The following PLXNA4 variants were observed in gnomAD, a reference collection of about 807,000 sequenced individuals.
PLXNA4 encodes plexin A4.
A neutral mutation model predicts 191.8 loss-of-function variants in PLXNA4; 44 were observed. That is an observed-to-expected ratio of 0.23 (90% CI 0.18 to 0.29). The LOEUF is 0.29. Ranked by LOEUF, PLXNA4 falls within the 10% of genes least tolerant of loss-of-function variation. The pLI is 1.00. For synonymous variants in PLXNA4, 1,082 were observed against 1,009.5 expected (o/e 1.07, Z -1.36); for missense variants, 1,800 against 2,488.8 (o/e 0.72, Z 5.89).
At chr7:132,575,675 G>A (rs1802192161) in intron 1 of PLXNA4, among the ~76,000 whole-genome samples, 1 of 152,224 alleles carries the variant, frequency 6.6e-6, no homozygotes, top group South Asian at 2.1e-4. Context: ...TACCTTTTAA[G>A]GAGGATCTGA....
intron 3 of PLXNA4, among the ~76,000 whole-genome samples, chr7:132,400,614 A>G (rs73158821): frequency 0.037 from 5,707 of 152,220 alleles, 195 homozygotes; most frequent in Non-Finnish European, 0.052. Flanking sequence ...TTCAGGCAAA[A>G]CACATGAGAA....
At chr7:132,613,443 T>C (rs1271545818) in intron 2 of PLXNA4, among the ~76,000 whole-genome samples, 2 of 152,200 alleles carry the variant, frequency 1.3e-5, no homozygotes, top group Non-Finnish European at 2.9e-5. Flanking sequence ...CTGTCCCCAT[T>C]AGATTTTGGC....
chr7:132,636,550 G>A (rs1803612298), intron 2 of PLXNA4, among the ~76,000 whole-genome samples: 1 of 152,170 alleles, frequency 6.6e-6, no homozygotes, highest in Non-Finnish European at 1.5e-5. Context: ...ATGCCCAAAT[G>A]CCCTGAGGCA....
At chr7:132,260,319 T>G (rs1482317639) in intron 4 of PLXNA4, among the ~76,000 whole-genome samples, 3 of 152,240 alleles carry the variant, frequency 2.0e-5, no homozygotes, top group African/African-American at 7.2e-5. Flanking sequence ...TGGAGTACTA[T>G]GTACTCATAA....
At chr7:132,423,297 CTT>C (rs1408673875) in intron 3 of PLXNA4, among the ~76,000 whole-genome samples, 1 of 152,204 alleles carries the variant, frequency 6.6e-6, no homozygotes, top group Admixed American at 6.5e-5. Context: ...TTTCATTTAA[CTT>C]TTCCCAACCT....
At chr7:132,594,998 TAGATAGATAGATAGATAGATAGACAGAC>T (rs1316895417) in intron 2 of PLXNA4, among the ~76,000 whole-genome samples, 3,215 of 55,006 alleles carry the variant, frequency 0.058, 115 homozygotes, top group African/African-American at 0.13. Flanking sequence ...GATAGATAGA[TAGATAGATAGATAGATAGATAGACAGAC>T]AGACAGACAG....
chr7:132,222,348 T>C (rs1215793783), intron 9 of PLXNA4, among the ~76,000 whole-genome samples: 1 of 152,198 alleles, frequency 6.6e-6, no homozygotes, highest in African/African-American at 2.4e-5. Context: ...TTCAGCCTCA[T>C]ATAATAAACA....
intron 1 of PLXNA4, among the ~76,000 whole-genome samples, chr7:132,569,812 C>A (rs1348526938): frequency 6.6e-6 from 1 of 152,162 alleles, no homozygotes; most frequent in Non-Finnish European, 1.5e-5. Flanking sequence ...GAAGGCTGAG[C>A]AAATGCTGAG....
intron 1 of PLXNA4, among the ~76,000 whole-genome samples, chr7:132,541,611 A>G (rs1336757813): frequency 2.0e-5 from 3 of 152,230 alleles, no homozygotes; most frequent in Admixed American, 6.5e-5. Flanking sequence ...TTCTGGTTAT[A>G]AAGCCCCCTA....
chr7:132,411,743 C>T (rs921032931), intron 3 of PLXNA4, among the ~76,000 whole-genome samples: 4 of 152,134 alleles, frequency 2.6e-5, no homozygotes, highest in Admixed American at 6.5e-5. Context: ...TTCTGGCATC[C>T]CCAGTTCAAA....
At chr7:132,444,475 G>A (rs911726543) in intron 3 of PLXNA4, among the ~76,000 whole-genome samples, 9 of 152,112 alleles carry the variant, frequency 5.9e-5, no homozygotes, top group Admixed American at 1.3e-4. Context: ...GGCTGATCTC[G>A]AACTCTTGAC....
At chr7:132,628,711 G>T (rs1171429059) in intron 2 of PLXNA4, among the ~76,000 whole-genome samples, 2 of 151,800 alleles carry the variant, frequency 1.3e-5, no homozygotes, top group Non-Finnish European at 2.9e-5. Context: ...GTAACTTTCT[G>T]GTTAAGAGTT....
At chr7:132,598,011 C>A (rs768990881) in intron 2 of PLXNA4, among the ~76,000 whole-genome samples, 47 of 152,298 alleles carry the variant, frequency 3.1e-4, no homozygotes, top group South Asian at 6.2e-4. Context: ...GGAATATATA[C>A]TCAGGAGTGG....
At chr7:132,247,532 G>A (rs959047990) in intron 4 of PLXNA4, among the ~76,000 whole-genome samples, 4 of 152,144 alleles carry the variant, frequency 2.6e-5, no homozygotes, top group South Asian at 2.1e-4. Context: ...CACTGTCCCC[G>A]AGCAGAGGAA....
intron 3 of PLXNA4, among the ~76,000 whole-genome samples, chr7:132,313,056 G>A (rs80209531): frequency 0.015 from 2,224 of 152,172 alleles, 25 homozygotes; most frequent in South Asian, 0.049. Flanking sequence ...GCTGCACCTG[G>A]ACCTCTGTTT....
At chr7:132,609,141 A>G (rs1802999131) in intron 2 of PLXNA4, among the ~76,000 whole-genome samples, 1 of 152,148 alleles carries the variant, frequency 6.6e-6, no homozygotes. Flanking sequence ...CACCTTGATT[A>G]TAGCATTTTA....
intron 3 of PLXNA4, among the ~76,000 whole-genome samples, chr7:132,321,419 C>A (rs17818325): frequency 0.029 from 4,348 of 151,384 alleles, 73 homozygotes; most frequent in Middle Eastern, 0.051. Flanking sequence ...CCAGTGACAA[C>A]CTCTTGGATG....
At chr7:132,176,571 TGTGA>T (rs751678631) in intron 20 of PLXNA4, among the ~76,000 whole-genome samples, 54 of 151,450 alleles carry the variant, frequency 3.6e-4, no homozygotes, top group East Asian at 9.8e-4. Context: ...TCAGGGAGTG[TGTGA>T]GTATGACAGT....
chr7:132,550,491 G>A (rs750428915), intron 1 of PLXNA4, among the ~76,000 whole-genome samples: 2 of 152,134 alleles, frequency 1.3e-5, no homozygotes, highest in African/African-American at 4.8e-5. Context: ...GAGAGGGAGG[G>A]GTCAGCATTT....
Sources: gnomAD v4.1 joint callset for allele counts (sites outside exome capture counted in the v4.1 genomes callset) on GRCh38, gnomAD v4.1.1 for gene constraint, MANE v1.5 for transcripts, NCBI Gene and HGNC (gene_info 2026-07-23, HGNC 2026-07-21) for gene names.